Variants in SLC23A2 observed in about 807,000 individuals in gnomAD.
SLC23A2 encodes the protein solute carrier family 23 member 2.
Under a neutral mutation model 73.3 loss-of-function variants are expected in SLC23A2, and 36 were observed. The observed-to-expected ratio is 0.49, with a 90% CI of 0.38 to 0.65. The LOEUF (loss-of-function observed/expected upper bound fraction) is 0.65, where lower values mean the gene tolerates loss of function less well. SLC23A2 is among the 30% of genes least tolerant of loss of function. The pLI is 0.00. For synonymous variants in SLC23A2, 343 were observed against 327.3 expected (o/e 1.05, Z -0.52); for missense variants, 507 against 841.6 (o/e 0.60, Z 4.92).
chr20:4,957,920 T>G (rs569417141), intron 2 of SLC23A2, among the ~76,000 whole-genome samples: 72 of 148,794 alleles, frequency 4.8e-4, no homozygotes, highest in African/African-American at 1.8e-3. Flanking sequence ...AAAAAAAAAC[T>G]TATTAAATTG....
rs139222564 is a variant in SLC23A2 at position 4,924,558 on chromosome 20, T to C, written c.108+7897A>G. On this transcript the variant is annotated intron_variant, in intron 3 of 16. Coordinates refer to ENST00000338244, the MANE Select transcript of SLC23A2 (RefSeq NM_005116.6). ...TCCCCACTAGGCAGAGCATGTCACA[T>C]CTCTGCTCAAAGGCCTCCAAAGGTT... 5.5e-3 allele frequency among the ~76,000 whole-genome samples: 838 copies of C among 152,282 alleles called. 9 individuals carry two copies. Among genetic ancestry groups the C allele is most frequent in the African/African-American group, 0.019 (785 of 41,554 alleles).
rs567149968 is a variant in SLC23A2 at position 4,880,606 on chromosome 20, A to G, written c.824+3036T>C. ...TTCTCACGAATAGAGAAAAAAGACA[A>G]AGAGATAGAAAACAGGAGAGGAAAC... On this transcript the variant is annotated intron_variant, in intron 9 of 16. Transcript: ENST00000338244. Among the ~76,000 whole-genome samples, 17 of 152,254 alleles carry G rather than the reference A, an allele frequency of 1.1e-4. 1 individual carries two copies. In the South Asian group the frequency reaches 3.5e-3, roughly 32 times the overall value.
At position 4,929,821 on chromosome 20, in the gene SLC23A2, G is replaced by T. The variant is rs6038015; in HGVS notation, c.108+2634C>A. Reference sequence around the variant, plus strand: ...CATCCAGAAGGCAGTGCTGGAAGAGGATACCCAAATCATTAGAGAAAGCAG... The same window carrying T: ...CATCCAGAAGGCAGTGCTGGAAGAGTATACCCAAATCATTAGAGAAAGCAG... On this transcript the variant is annotated intron_variant, in intron 3 of 16. Transcript: ENST00000338244. Among the ~76,000 whole-genome samples the T allele has an allele frequency of 4.0e-3, 609 of 152,314 alleles. 8 individuals carry two copies. The highest frequency in any genetic ancestry group is 0.014 in the African/African-American group (588 of 41,554).
At chr20:5,008,213 A>G (rs1206352346) in intron 1 of SLC23A2, among the ~76,000 whole-genome samples, 1 of 151,926 alleles carries the variant, frequency 6.6e-6, no homozygotes, top group Non-Finnish European at 1.5e-5. Flanking sequence ...CCCAGCCAAA[A>G]TTTACCTTTT....
intron 2 of SLC23A2, among the ~76,000 whole-genome samples, chr20:4,965,608 C>CA (rs1056300582): frequency 6.6e-6 from 1 of 151,940 alleles, no homozygotes; most frequent in African/African-American, 2.4e-5. Flanking sequence ...CCCGTCTCTA[C>CA]AAAAAATTAG....
chr20:4,897,396 C>T (rs546935526), intron 6 of SLC23A2, among the ~76,000 whole-genome samples: 2 of 152,312 alleles, frequency 1.3e-5, no homozygotes, highest in South Asian at 4.1e-4. Context: ...GCTGCCATTC[C>T]TTGCACAGCC....
intron 11 of SLC23A2, 105 bp downstream of exon 11, chr20:4,873,831 C>T: frequency 1.7e-6 from 2 of 1,187,164 alleles, no homozygotes; most frequent in Non-Finnish European, 2.4e-6. Flanking sequence ...ATGGCAAGGC[C>T]TTCAGGAGAC....
At chr20:4,993,410 GA>G (rs3055956) in intron 1 of SLC23A2, among the ~76,000 whole-genome samples, 57 of 121,452 alleles carry the variant, frequency 4.7e-4, no homozygotes, top group Non-Finnish European at 4.8e-4. Flanking sequence ...GCCAAAATCC[GA>G]AAAAAAAAAA....
At chr20:4,874,214 C>CATCTT (rs3055035) in intron 10 of SLC23A2, 122 bp from the exon 11 acceptor site, 2 of 850,362 alleles carry the variant, frequency 2.4e-6, no homozygotes, top group Non-Finnish European at 3.6e-6. Flanking sequence ...ACTTTGCAGA[C>CATCTT]CTTCCTTGAA....
chr20:4,869,735 A>T, intron 12 of SLC23A2, 171 bp downstream of exon 12: 1 of 555,096 alleles, frequency 1.8e-6, no homozygotes, highest in Non-Finnish European at 3.2e-6. Flanking sequence ...GTGGTGTATC[A>T]GACAGTCGAA....
At chr20:4,938,709 T>C (rs1004523798) in intron 2 of SLC23A2, among the ~76,000 whole-genome samples, 3 of 152,234 alleles carry the variant, frequency 2.0e-5, no homozygotes, top group Non-Finnish European at 4.4e-5. Flanking sequence ...TGCTCTTTGA[T>C]GGCTTCCTAA....
At chr20:4,869,805 C>A (rs1930366639) in intron 12 of SLC23A2, 101 bp downstream of exon 12, 2 of 1,075,158 alleles carry the variant, frequency 1.9e-6, no homozygotes, top group East Asian at 2.5e-5. Flanking sequence ...TGGCTGGGCT[C>A]CTGCTGAAAC....
At chr20:4,966,469 A>G (rs1486122896) in intron 2 of SLC23A2, among the ~76,000 whole-genome samples, 1 of 152,176 alleles carries the variant, frequency 6.6e-6, no homozygotes, top group Non-Finnish European at 1.5e-5. Context: ...TGTTGGTCCA[A>G]CTGGTATGTG....
intron 2 of SLC23A2, among the ~76,000 whole-genome samples, chr20:4,941,254 T>C (rs2087036367): frequency 6.6e-6 from 1 of 151,998 alleles, no homozygotes; most frequent in African/African-American, 2.4e-5. Context: ...TCAGGCATGG[T>C]GGCTCATGCA....
At chr20:4,879,478 T>C (rs1930796932) in intron 9 of SLC23A2, among the ~76,000 whole-genome samples, 1 of 150,460 alleles carries the variant, frequency 6.6e-6, no homozygotes, top group African/African-American at 2.5e-5. Context: ...GGATGTAGGT[T>C]GAATTTTAAA....
rs1930967926 is a variant in SLC23A2 at position 4,883,356 on chromosome 20, A to C, written c.824+286T>G. 6.6e-6 allele frequency among the ~76,000 whole-genome samples: 1 copy of C among 152,182 alleles called. No homozygotes were observed. Among genetic ancestry groups the C allele is most frequent in the Admixed American group, 6.5e-5 (1 of 15,282 alleles). On this transcript the variant is annotated intron_variant, in intron 9 of 16. Transcript: ENST00000338244. The surrounding 1 kb of genome is among the most constrained non-coding windows in gnomAD (Gnocchi z 4.5). The stretch of plus-strand genomic sequence containing the variant: ...ACATGAGACTTGGCAAGACCTCAAA[A>C]GTCAAAAACAAATGGCGCCACTACC...
intron 1 of SLC23A2, among the ~76,000 whole-genome samples, chr20:5,009,968 G>A (rs946609593): frequency 2.0e-5 from 3 of 151,946 alleles, no homozygotes; most frequent in South Asian, 2.1e-4. Context: ...GGTTGCAGGC[G>A]CCTGTAGTCC....
chr20:4,877,655 C>G (rs950640335), intron 9 of SLC23A2, among the ~76,000 whole-genome samples: 2 of 151,940 alleles, frequency 1.3e-5, no homozygotes, highest in Non-Finnish European at 2.9e-5. Context: ...TTTCAAATAC[C>G]TAGAATTTAA....
At chr20:4,875,649 C>T (rs1408690669) in intron 9 of SLC23A2, among the ~76,000 whole-genome samples, 1 of 152,204 alleles carries the variant, frequency 6.6e-6, no homozygotes, top group South Asian at 2.1e-4. Flanking sequence ...CTTCCTGACA[C>T]ACCAGTCCAT....
Sources: allele counts gnomAD v4.1 joint callset (sites outside exome capture counted in the v4.1 genomes callset), GRCh38; gene constraint gnomAD v4.1.1; non-coding constraint Gnocchi (gnomAD v3.1); transcripts MANE v1.5; gene names NCBI Gene and HGNC (gene_info 2026-07-23, HGNC 2026-07-21).